Variants in CHST11 observed in about 807,000 individuals in gnomAD.
CHST11 encodes the protein C4S-1.
Under a neutral mutation model 30.4 loss-of-function variants are expected in CHST11, and 9 were observed. The observed-to-expected ratio is 0.30, with a 90% CI of 0.18 to 0.52. The LOEUF (loss-of-function observed/expected upper bound fraction) is 0.52, where lower values mean the gene tolerates loss of function less well. Among genes scored for constraint, CHST11 ranks in the 20% least tolerant of loss-of-function variants. CHST11 has a pLI of 0.97. For synonymous variants in CHST11, 152 were observed against 187.8 expected (o/e 0.81, Z 1.56); for missense variants, 348 against 460.6 (o/e 0.76, Z 2.24).
intron 1 of CHST11, among the ~76,000 whole-genome samples, chr12:104,501,857 G>C (rs982718001): frequency 3.9e-5 from 6 of 152,158 alleles, no homozygotes; most frequent in African/African-American, 1.4e-4. Flanking sequence ...GTAAACCCTG[G>C]CTTCAGTCAC....
chr12:104,531,426 G>T (rs1426172471), intron 1 of CHST11, among the ~76,000 whole-genome samples: 2 of 147,588 alleles, frequency 1.4e-5, no homozygotes, highest in Admixed American at 1.4e-4. Flanking sequence ...TGAGGCTGCA[G>T]TGAGCTATGA....
chr12:104,683,920 G>T (rs2039821190), intron 2 of CHST11, among the ~76,000 whole-genome samples: 1 of 152,186 alleles, frequency 6.6e-6, no homozygotes, highest in African/African-American at 2.4e-5. Context: ...TGTTAGCCAA[G>T]TAACCTAAGC....
Position 104,503,311 on chromosome 12 carries a change from A to T in CHST11, c.118+45782A>T, listed in dbSNP as rs79947061. ...GTTGTTAGATGGTAGGAGTATGTCC[A>T]TTCAGACATTGCCAGGGTGGTGTGT... On this transcript the variant is annotated intron_variant, in intron 1 of 2. Coordinates refer to ENST00000303694, the MANE Select transcript of CHST11 (RefSeq NM_018413.6). 2.0e-3 allele frequency among the ~76,000 whole-genome samples: 312 copies of T among 152,334 alleles called. 1 individual carries two copies. The highest frequency in any genetic ancestry group is 7.2e-3 in the African/African-American group (299 of 41,578).
At chr12:104,715,909 T>C (rs2040127238) in intron 2 of CHST11, among the ~76,000 whole-genome samples, 1 of 152,238 alleles carries the variant, frequency 6.6e-6, no homozygotes, top group South Asian at 2.1e-4. Context: ...CTCGATGAGC[T>C]AACCTGACCT....
intron 2 of CHST11, among the ~76,000 whole-genome samples, chr12:104,650,810 A>G (rs114112517): frequency 6.6e-6 from 1 of 152,308 alleles, no homozygotes; most frequent in African/African-American, 2.4e-5. Flanking sequence ...TGCACACAGC[A>G]GGTGCTTCCT....
At chr12:104,654,161 G>C (rs2039520428) in intron 2 of CHST11, among the ~76,000 whole-genome samples, 1 of 152,164 alleles carries the variant, frequency 6.6e-6, no homozygotes, top group Non-Finnish European at 1.5e-5. Context: ...AGTAAGGGGA[G>C]CTTTTTGAAT....
At chr12:104,491,959 C>A (rs1311609247) in intron 1 of CHST11, among the ~76,000 whole-genome samples, 1 of 152,202 alleles carries the variant, frequency 6.6e-6, no homozygotes, top group African/African-American at 2.4e-5. Context: ...GTCTCTAAAA[C>A]TGCCTCAGGT....
intron 2 of CHST11, among the ~76,000 whole-genome samples, chr12:104,741,259 T>C (rs1397858997): frequency 6.6e-6 from 1 of 152,142 alleles, no homozygotes; most frequent in Non-Finnish European, 1.5e-5. Context: ...TGGTGGTTAC[T>C]GGGGAGAGAA....
At position 104,590,634 on chromosome 12, in the gene CHST11, A is replaced by G. The variant is rs117641702; in HGVS notation, c.119-11272A>G. Among the ~76,000 whole-genome samples the G allele has an allele frequency of 5.4e-3, 816 of 152,336 alleles. 7 individuals carry two copies. The highest frequency in any genetic ancestry group is 0.01 in the Middle Eastern group (3 of 294). On this transcript the variant is annotated intron_variant, in intron 1 of 2. Coordinates refer to ENST00000303694, the MANE Select transcript of CHST11 (RefSeq NM_018413.6). Reference sequence around the variant, plus strand: ...GAGAATCAATGCCTTGAAGAAGCATATGGCAGGCGGGGCGCAGTGGCTCAT... The same window carrying G: ...GAGAATCAATGCCTTGAAGAAGCATGTGGCAGGCGGGGCGCAGTGGCTCAT...
chr12:104,472,627 G>A (rs2037521856), intron 1 of CHST11, among the ~76,000 whole-genome samples: 1 of 152,218 alleles, frequency 6.6e-6, no homozygotes, highest in African/African-American at 2.4e-5. Context: ...TAATACCAAC[G>A]TTTAGCTGCA....
At chr12:104,647,055 G>A (rs1181181427) in intron 2 of CHST11, among the ~76,000 whole-genome samples, 2 of 152,240 alleles carry the variant, frequency 1.3e-5, no homozygotes, top group African/African-American at 2.4e-5. Flanking sequence ...AGCATTGCCA[G>A]CCAATAGACT....
chr12:104,604,229 C>T (rs886937913), intron 2 of CHST11, among the ~76,000 whole-genome samples: 5 of 152,112 alleles, frequency 3.3e-5, no homozygotes, highest in African/African-American at 1.2e-4. Flanking sequence ...GCCTATTGAG[C>T]AGTAGCCTGG....
chr12:104,582,991 A>G (rs1450945397), intron 1 of CHST11, among the ~76,000 whole-genome samples: 3 of 152,074 alleles, frequency 2.0e-5, no homozygotes, highest in African/African-American at 7.2e-5. Flanking sequence ...AACCATTTGC[A>G]GACACCTTAT....
intron 1 of CHST11, among the ~76,000 whole-genome samples, chr12:104,597,477 G>GA (rs375108028): frequency 7.4e-4 from 111 of 150,104 alleles, no homozygotes; most frequent in East Asian, 4.5e-3. Context: ...TTTTTCAAAG[G>GA]AAAAAAAAAT....
At chr12:104,485,667 C>T (rs2037670152) in intron 1 of CHST11, among the ~76,000 whole-genome samples, 1 of 152,238 alleles carries the variant, frequency 6.6e-6, no homozygotes, top group Non-Finnish European at 1.5e-5. Flanking sequence ...TCTATGTTCC[C>T]TGACATTGCC....
intron 1 of CHST11, among the ~76,000 whole-genome samples, chr12:104,496,781 A>C (rs566008218): frequency 6.6e-6 from 1 of 152,256 alleles, no homozygotes; most frequent in East Asian, 1.9e-4. Context: ...TGTTTCCTGC[A>C]ACAAAATCCT....
At chr12:104,563,788 C>T (rs2038535812) in intron 1 of CHST11, among the ~76,000 whole-genome samples, 1 of 151,448 alleles carries the variant, frequency 6.6e-6, no homozygotes, top group Non-Finnish European at 1.5e-5. Context: ...TGGTTTTCAG[C>T]GCACATGTAA....
At chr12:104,741,848 C>G (rs773256979) in intron 2 of CHST11, among the ~76,000 whole-genome samples, 1 of 152,206 alleles carries the variant, frequency 6.6e-6, no homozygotes, top group Non-Finnish European at 1.5e-5. Flanking sequence ...CGATCAAGAG[C>G]AGGTTCCCAG....
At chr12:104,628,395 G>A (rs1310483581) in intron 2 of CHST11, among the ~76,000 whole-genome samples, 1 of 152,170 alleles carries the variant, frequency 6.6e-6, no homozygotes, top group Admixed American at 6.5e-5. Context: ...AAGGGCAAAA[G>A]ATTTCTATTT....
Sources: gnomAD v4.1 joint callset for allele counts (sites outside exome capture counted in the v4.1 genomes callset) on GRCh38, gnomAD v4.1.1 for gene constraint, MANE v1.5 for transcripts, NCBI Gene and HGNC (gene_info 2026-07-23, HGNC 2026-07-21) for gene names.